The following UQCC1 variants were observed in gnomAD, a reference collection of about 807,000 sequenced individuals.
UQCC1 encodes bFGF-repressed Zic-binding protein.
UQCC1 carries 38 observed loss-of-function variants against 48.0 expected under a neutral mutation model. The ratio of observed to expected loss-of-function variants is 0.79; its 90% CI spans 0.61 to 1.04. UQCC1 has a LOEUF of 1.04. Among genes scored for constraint, UQCC1 ranks in the 50% least tolerant of loss-of-function variants. UQCC1 has a pLI of 0.00. For synonymous variants in UQCC1, 111 were observed against 129.2 expected (o/e 0.86, Z 0.95); for missense variants, 368 against 381.8 (o/e 0.96, Z 0.30).
intron 1 of UQCC1, among the ~76,000 whole-genome samples, chr20:35,404,387 A>C (rs1212073250): frequency 1.4e-5 from 2 of 144,314 alleles, no homozygotes; most frequent in Non-Finnish European, 3.1e-5. Context: ...AAAAAAAAAC[A>C]AAATTAGCCG....
intron 1 of UQCC1, among the ~76,000 whole-genome samples, chr20:35,394,580 C>T (rs184078287): frequency 3.9e-4 from 59 of 152,160 alleles, no homozygotes; most frequent in Non-Finnish European, 7.6e-4. Flanking sequence ...ATCAATCATG[C>T]CAACAATAAG....
chr20:35,319,551 C>A (rs2061099394), intron 7 of UQCC1, among the ~76,000 whole-genome samples: 1 of 152,092 alleles, frequency 6.6e-6, no homozygotes, highest in Non-Finnish European at 1.5e-5. Flanking sequence ...ATAGCAGAGG[C>A]AGGCACAAGG....
intron 6 of UQCC1, among the ~76,000 whole-genome samples, chr20:35,361,999 T>C (rs2146428168): frequency 6.6e-6 from 1 of 152,342 alleles, no homozygotes; most frequent in Middle Eastern, 3.4e-3. Flanking sequence ...AAGGTACTAG[T>C]GCTCCATGAC....
intron 7 of UQCC1, among the ~76,000 whole-genome samples, chr20:35,336,851 G>T (rs946134809): frequency 3.9e-5 from 6 of 152,054 alleles, no homozygotes; most frequent in African/African-American, 7.2e-5. Flanking sequence ...TAAAGTGCAT[G>T]AAAAAAAGAA....
rs1336813117 is a variant in UQCC1 at position 35,346,771 on chromosome 20, C to T, written c.573+393G>A. ...TCCTGAAGACAGTGCAGGCCCCATA[C>T]CAGGGCCTCCCATCAGAACTAATTT... is the stretch of plus-strand genomic sequence containing the variant. On this transcript the variant is annotated intron_variant, in intron 7 of 9. Coordinates refer to ENST00000374385, the MANE Select transcript of UQCC1 (RefSeq NM_018244.5). 6.3e-6 allele frequency: 3 copies of T among 478,042 alleles called. No individual in the cohort carries two copies. The Admixed American group carries it at 1.0e-4, about 16-fold the overall frequency. The allele number at this position is 478,042 out of a possible 1,614,324, so 29.6% of individuals were successfully genotyped here.
At chr20:35,345,766 A>G (rs2061425421) in intron 7 of UQCC1, 2 of 152,184 alleles carry the variant, frequency 1.3e-5, no homozygotes, top group South Asian at 2.1e-4. Context: ...TTCTATGAGC[A>G]TATGTAACTT....
chr20:35,378,616 C>T (rs1044489315), intron 4 of UQCC1, among the ~76,000 whole-genome samples: 14 of 152,010 alleles, frequency 9.2e-5, no homozygotes, highest in African/African-American at 3.4e-4. Flanking sequence ...GGCGACAGAG[C>T]GAGACTCCAA....
intron 6 of UQCC1, among the ~76,000 whole-genome samples, chr20:35,351,793 A>G (rs953606588): frequency 2.6e-5 from 4 of 152,260 alleles, no homozygotes; most frequent in African/African-American, 9.6e-5. Context: ...AGTTTGTTCT[A>G]TAGCCCTTAC....
At chr20:35,325,734 G>A (rs931474996) in intron 7 of UQCC1, among the ~76,000 whole-genome samples, 4 of 152,144 alleles carry the variant, frequency 2.6e-5, no homozygotes, top group Non-Finnish European at 4.4e-5. Flanking sequence ...TGAGAGAAGA[G>A]GCAACATTTA....
intron 6 of UQCC1, among the ~76,000 whole-genome samples, chr20:35,363,028 T>TAAAAAAAAAAAAA (rs60988214): frequency 1.2e-5 from 1 of 80,664 alleles, no homozygotes; most frequent in Non-Finnish European, 2.6e-5. Context: ...TCCTTAAAAC[T>TAAAAAAAAAAAAA]AAAAAAAAAA....
intron 7 of UQCC1, among the ~76,000 whole-genome samples, chr20:35,340,442 T>C (rs1441473382): frequency 6.6e-6 from 1 of 152,192 alleles, no homozygotes; most frequent in Non-Finnish European, 1.5e-5. Context: ...GAACAACTGG[T>C]ATCTGAGAAC....
chr20:35,303,886 T>C lies in UQCC1; in HGVS notation c.*49A>G. ...CCTGGACCAACAGGCACTTCTCTCCTGGAGGTTCCTCGAAGCCAGCTGGCG... is the reference window on the plus strand; with the variant it reads ...CCTGGACCAACAGGCACTTCTCTCCCGGAGGTTCCTCGAAGCCAGCTGGCG... On this transcript the variant is annotated 3_prime_UTR_variant, in exon 10 of 10. Coordinates refer to ENST00000374385, the MANE Select transcript of UQCC1 (RefSeq NM_018244.5). 9 of 1,613,762 alleles carry C rather than the reference T, an allele frequency of 5.6e-6. No individual in the cohort carries two copies. The highest frequency in any genetic ancestry group is 1.7e-5 in the Admixed American group (1 of 60,010).
At chr20:35,333,358 G>T (rs2061278846) in intron 7 of UQCC1, among the ~76,000 whole-genome samples, 1 of 152,188 alleles carries the variant, frequency 6.6e-6, no homozygotes, top group African/African-American at 2.4e-5. Context: ...TAAAAGAAAA[G>T]ACTTAAGTAA....
chr20:35,346,364 G>GT (rs1017619999), intron 7 of UQCC1: 4 of 153,926 alleles, frequency 2.6e-5, no homozygotes, highest in African/African-American at 9.7e-5. Flanking sequence ...TTAAGAGCTG[G>GT]TAACACTTGC....
chr20:35,376,973 AAAAAAAG>A (rs1471279771), intron 4 of UQCC1, among the ~76,000 whole-genome samples: 2 of 151,720 alleles, frequency 1.3e-5, no homozygotes, highest in Non-Finnish European at 2.9e-5. Flanking sequence ...CAAAACAAAA[AAAAAAAG>A]AAAAAGAAAA....
intron 1 of UQCC1, among the ~76,000 whole-genome samples, chr20:35,402,505 G>A (rs1301919570): frequency 1.3e-5 from 2 of 151,898 alleles, no homozygotes; most frequent in African/African-American, 4.8e-5. Flanking sequence ...GTGAACCTGG[G>A]AGGCGGAGCT....
chr20:35,383,939 G>T, intron 3 of UQCC1, 99 bp downstream of exon 3: 1 of 973,464 alleles, frequency 1.0e-6, no homozygotes, highest in East Asian at 2.7e-5. Flanking sequence ...CTCACCTTCT[G>T]CATTCGCTAA....
At chr20:35,384,648 T>TAA (rs386393686) in intron 2 of UQCC1, 118,072 of 363,022 alleles carry the variant, frequency 0.33, 18,414 homozygotes, top group East Asian at 0.43. Context: ...ACCCTGTCTG[T>TAA]AAAAAAAAAA....
intron 7 of UQCC1, among the ~76,000 whole-genome samples, chr20:35,328,332 T>C (rs1299387076): frequency 6.6e-6 from 1 of 152,180 alleles, no homozygotes; most frequent in Non-Finnish European, 1.5e-5. Flanking sequence ...CCATCACAAC[T>C]ATGCAAAACC....
Sources: allele counts gnomAD v4.1 joint callset (sites outside exome capture counted in the v4.1 genomes callset), GRCh38; gene constraint gnomAD v4.1.1; transcripts MANE v1.5; gene names NCBI Gene and HGNC (gene_info 2026-07-23, HGNC 2026-07-21).